The following TRPM3 variants were observed in gnomAD, a reference collection of about 807,000 sequenced individuals.
TRPM3 encodes the protein long transient receptor potential channel 3.
Under a neutral mutation model 181.2 loss-of-function variants are expected in TRPM3, and 77 were observed. The observed-to-expected ratio is 0.42, with a 90% CI of 0.35 to 0.51. TRPM3 has a LOEUF of 0.51. Ranked by LOEUF, TRPM3 falls within the 20% of genes least tolerant of loss-of-function variation. The pLI, the probability that TRPM3 is intolerant of heterozygous loss-of-function variation, is 0.01. For missense variants in TRPM3, 1,759 were observed against 2,196.7 expected, an observed-to-expected ratio of 0.80 and a Z score of 3.98; for synonymous variants, 745 against 796.4, an observed-to-expected ratio of 0.94 and a Z score of 1.09.
At chr9:71,364,511 A>G (rs1049582578) in intron 1 of TRPM3, among the ~76,000 whole-genome samples, 2 of 152,204 alleles carry the variant, frequency 1.3e-5, no homozygotes, top group Non-Finnish European at 2.9e-5. Flanking sequence ...AGGTCAGCTA[A>G]TTTGTTTGCT....
At chr9:70,854,073 G>A (rs549864018) in intron 3 of TRPM3, among the ~76,000 whole-genome samples, 31 of 152,226 alleles carry the variant, frequency 2.0e-4, no homozygotes, top group Non-Finnish European at 3.8e-4. Context: ...AAATGGACGT[G>A]CCCAGAGCAA....
chr9:71,020,309 A>G (rs2097834888), intron 1 of TRPM3, among the ~76,000 whole-genome samples: 1 of 152,032 alleles, frequency 6.6e-6, no homozygotes, highest in South Asian at 2.1e-4. Flanking sequence ...TCTACAAAAA[A>G]TAAAAATAAA....
intron 1 of TRPM3, chr9:70,869,052 T>C (rs557811427): frequency 1.0e-6 from 1 of 985,104 alleles, no homozygotes; most frequent in Non-Finnish European, 1.2e-6. Context: ...TTCATTTTGC[T>C]GCAGCTAGGG....
At position 71,313,128 on chromosome 9, in the gene TRPM3, G is replaced by A. The variant is rs139185778; in HGVS notation, c.183+133525C>T. 2.2e-3 allele frequency among the ~76,000 whole-genome samples: 338 copies of A among 152,178 alleles called. 2 individuals are homozygous for A. The highest frequency in any genetic ancestry group is 7.6e-3 in the African/African-American group (317 of 41,526). On this transcript the variant is annotated intron_variant, in intron 1 of 24. Coordinates refer to the TRPM3 transcript ENST00000357533. ...CCTCTGGCGCAGGTGGTTGATAGTC[G>A]GGGAGGCTGTGCATATGTGGAGGAA...
intron 1 of TRPM3, among the ~76,000 whole-genome samples, chr9:70,926,854 G>A (rs540727878): frequency 6.6e-6 from 1 of 152,192 alleles, no homozygotes; most frequent in Admixed American, 6.5e-5. Flanking sequence ...GCAGATTTAA[G>A]ATTGTAAATA....
intron 1 of TRPM3, among the ~76,000 whole-genome samples, chr9:70,955,614 A>C (rs1235611871): frequency 6.6e-6 from 1 of 152,210 alleles, no homozygotes; most frequent in Non-Finnish European, 1.5e-5. Flanking sequence ...ATGGAAAATC[A>C]AGGAAAGCGC....
intron 1 of TRPM3, among the ~76,000 whole-genome samples, chr9:71,315,474 C>A (rs527607263): frequency 6.6e-6 from 1 of 152,146 alleles, no homozygotes; most frequent in Admixed American, 6.6e-5. Context: ...TCTTTCTACT[C>A]TGTCTAGATC....
chr9:70,809,812 A>G (rs1363887317), intron 6 of TRPM3, among the ~76,000 whole-genome samples: 1 of 151,892 alleles, frequency 6.6e-6, no homozygotes, highest in East Asian at 1.9e-4. Context: ...AGTATATTTC[A>G]CTCCTTCCTA....
At chr9:71,064,104 T>C (rs1172177861) in intron 1 of TRPM3, among the ~76,000 whole-genome samples, 1 of 152,172 alleles carries the variant, frequency 6.6e-6, no homozygotes, top group Non-Finnish European at 1.5e-5. Flanking sequence ...TACCCTCTCA[T>C]ATTATGCTGA....
At chr9:70,847,004 G>A (rs1327362929) in intron 3 of TRPM3, among the ~76,000 whole-genome samples, 1 of 152,088 alleles carries the variant, frequency 6.6e-6, no homozygotes, top group East Asian at 1.9e-4. Context: ...ATTATTTTAA[G>A]AGGATTTGAA....
In TRPM3 at chr9:70,625,317, TG is replaced by T; in HGVS notation, c.1682del (p.Pro561GlnfsTer7). The T allele has an allele frequency of 6.2e-7, 1 of 1,614,152 alleles. No individual in the cohort carries two copies. The highest frequency in any genetic ancestry group is 1.1e-5 in the South Asian group (1 of 91,074). ...TGTCAATCAGGCTGATTCTGTAGTC[TG>T]GGGGCAGGTTCCCCTATCAGGGTAG... ...GWIYFKGNLP[P>X]DYRISLIDIG... On this transcript the variant is annotated frameshift_variant, in exon 14 of 26. Coordinates refer to ENST00000677713, the MANE Select transcript of TRPM3 (RefSeq NM_001366145.2). LOFTEE classifies it high-confidence loss of function. The surrounding 1 kb of genome is among the most constrained non-coding windows in gnomAD (Gnocchi z 4.8).
intron 1 of TRPM3, among the ~76,000 whole-genome samples, chr9:71,133,459 C>A (rs1447828530): frequency 6.6e-6 from 1 of 151,908 alleles, no homozygotes; most frequent in East Asian, 1.9e-4. Context: ...GCCACCACAC[C>A]CAGCTAATTT....
intron 1 of TRPM3, among the ~76,000 whole-genome samples, chr9:71,094,688 G>A (rs2066823281): frequency 1.3e-5 from 2 of 151,950 alleles, no homozygotes; most frequent in Admixed American, 1.3e-4. Flanking sequence ...AAGTCTGTTG[G>A]GAGAATTGAA....
intron 1 of TRPM3, among the ~76,000 whole-genome samples, chr9:71,001,435 C>T (rs1003931970): frequency 6.6e-6 from 1 of 152,214 alleles, no homozygotes; most frequent in African/African-American, 2.4e-5. Context: ...CTTAATGTAA[C>T]AGTGAACCTG....
At chr9:71,402,528 T>C (rs995847858) in intron 1 of TRPM3, among the ~76,000 whole-genome samples, 1 of 151,948 alleles carries the variant, frequency 6.6e-6, no homozygotes, top group African/African-American at 2.4e-5. Context: ...TAACAGGCAT[T>C]TCCAAAGCCT....
chr9:70,761,406 CTTA>C (rs1472113696), intron 8 of TRPM3, 192 bp downstream of exon 8: 1 of 740,316 alleles, frequency 1.4e-6, no homozygotes, highest in South Asian at 1.5e-5. Flanking sequence ...CTGCACACAC[CTTA>C]TTAACTCGAA....
chr9:70,859,149 G>T (rs1365307596), intron 3 of TRPM3, among the ~76,000 whole-genome samples: 2 of 152,118 alleles, frequency 1.3e-5, no homozygotes, highest in African/African-American at 4.8e-5. Flanking sequence ...CGGAAGGGAG[G>T]ATTGATTTCT....
At chr9:70,948,364 A>G (rs1236908630) in intron 1 of TRPM3, among the ~76,000 whole-genome samples, 1 of 152,184 alleles carries the variant, frequency 6.6e-6, no homozygotes, top group Non-Finnish European at 1.5e-5. Flanking sequence ...ACATTGCTGA[A>G]AACGAAATAT....
chr9:70,961,109 C>T (rs1017340641), intron 1 of TRPM3, among the ~76,000 whole-genome samples: 2 of 152,058 alleles, frequency 1.3e-5, no homozygotes, highest in African/African-American at 4.8e-5. Flanking sequence ...AGTGTAATCA[C>T]AAAGGTCCTT....
Sources: gnomAD v4.1 joint callset for allele counts (sites outside exome capture counted in the v4.1 genomes callset) on GRCh38, gnomAD v4.1.1 for gene constraint, Gnocchi (gnomAD v3.1) non-coding constraint, MANE v1.5 for transcripts, NCBI Gene and HGNC (gene_info 2026-07-23, HGNC 2026-07-21) for gene names.